Variants in OSBPL3 observed in about 807,000 individuals in gnomAD.
The protein encoded by OSBPL3 is oxysterol-binding protein-related protein 3.
Under a neutral mutation model 120.1 loss-of-function variants are expected in OSBPL3, and 65 were observed. The ratio of observed to expected loss-of-function variants is 0.54; its 90% CI spans 0.44 to 0.67. The LOEUF (loss-of-function observed/expected upper bound fraction) is 0.67, where lower values mean the gene tolerates loss of function less well. OSBPL3 is among the 30% of genes least tolerant of loss of function. The probability of loss-of-function intolerance (pLI) is 0.00; values close to 1 mark genes in which losing one functional copy is unlikely to be tolerated. For missense variants in OSBPL3, 1,004 were observed against 1,082.1 expected (o/e 0.93, Z 1.01); for synonymous variants, 416 against 402.6 (o/e 1.03, Z -0.40).
rs1324610451 is a variant in OSBPL3, at chr7:24,819,889, G to T, written c.1948+286C>A. Among the ~76,000 whole-genome samples, 1 of 152,150 alleles carries T rather than the reference G, an allele frequency of 6.6e-6. No individual in the cohort carries two copies. Among genetic ancestry groups the T allele is most frequent in the African/African-American group, 2.4e-5 (1 of 41,428 alleles). Reference sequence around the variant, plus strand: ...TTTGACAAAAGCTGAAAACCCCTCTGCTGTCTACACTCTGATAAACAACTG... The same window carrying T: ...TTTGACAAAAGCTGAAAACCCCTCTTCTGTCTACACTCTGATAAACAACTG... On this transcript the variant is annotated intron_variant, in intron 17 of 22. Transcript: ENST00000313367. The surrounding 1 kb of genome is among the most constrained non-coding windows in gnomAD (Gnocchi z 4.1).
intron 1 of OSBPL3, among the ~76,000 whole-genome samples, chr7:24,951,597 T>A (rs79700512): frequency 0.032 from 4,835 of 152,286 alleles, 130 homozygotes; most frequent in Non-Finnish European, 0.051. Flanking sequence ...CACAAATCCC[T>A]TCCCCCTACC....
Position 24,835,081 on chromosome 7 carries a change from T to A in OSBPL3, c.1496-345A>T, listed in dbSNP as rs1250571316. On this transcript the variant is annotated intron_variant, in intron 14 of 22. Transcript: ENST00000313367. This position sits in a 1 kb window ranked among gnomAD's most constrained non-coding sequence, Gnocchi z 4.8. ...AAAAACTTGTAAACTTTTTAAAAAA[T>A]CACTTTAAATTCTGGTAAAACAATT... 2.6e-5 allele frequency among the ~76,000 whole-genome samples: 4 copies of A among 152,216 alleles called. No individual in the cohort carries two copies. Among genetic ancestry groups the A allele is most frequent in the Non-Finnish European group, 5.9e-5 (4 of 68,026 alleles).
rs1431465672 is a variant in OSBPL3 at position 24,968,290 on chromosome 7, CCA to C, written c.-150+11594_-150+11595del. 6.6e-6 allele frequency among the ~76,000 whole-genome samples: 1 copy of C among 152,186 alleles called. No homozygotes were observed. The highest frequency in any genetic ancestry group is 1.5e-5 in the Non-Finnish European group (1 of 68,038). ...CCTGATTTCCATGGTGTAAATACTC[CCA>C]CTGTGGCTGGCTTCAAACTACCAAC... is the stretch of plus-strand genomic sequence containing the variant. On this transcript the variant is annotated intron_variant, in intron 1 of 22. Transcript: ENST00000313367. This position sits in a 1 kb window ranked among gnomAD's most constrained non-coding sequence, Gnocchi z 4.6.
Position 24,820,327 on chromosome 7 carries a change from A to T in OSBPL3, c.1885-89T>A. 1.0e-6 allele frequency: 1 copy of T among 959,558 alleles called. No homozygotes were observed. The highest frequency in any genetic ancestry group is 1.7e-6 in the Non-Finnish European group (1 of 605,908). The allele number at this position is 959,558 out of a possible 1,614,324, so 59.4% of individuals were successfully genotyped here. On this transcript the variant is annotated intron_variant, in intron 16 of 22. Transcript: ENST00000313367. This position sits in a 1 kb window ranked among gnomAD's most constrained non-coding sequence, Gnocchi z 4.6. Reference sequence around the variant, plus strand: ...TCTTTCTCCCCTGCACTGAGATGTAACAGCGTGCAATGCTGAACTGAAGGA... The same window carrying T: ...TCTTTCTCCCCTGCACTGAGATGTATCAGCGTGCAATGCTGAACTGAAGGA...
In OSBPL3 at chr7:24,877,309, A is replaced by G. The variant is rs1319613911; in HGVS notation, c.97-5240T>C. 1.3e-5 allele frequency among the ~76,000 whole-genome samples: 2 copies of G among 152,216 alleles called. No homozygotes were observed. Among genetic ancestry groups the G allele is most frequent in the Non-Finnish European group, 2.9e-5 (2 of 68,040 alleles). On this transcript the variant is annotated intron_variant, in intron 2 of 22. Coordinates refer to ENST00000313367, the MANE Select transcript of OSBPL3 (RefSeq NM_015550.4). The surrounding 1 kb of genome is among the most constrained non-coding windows in gnomAD (Gnocchi z 4.8). ...GTAAGGTCTTCAACCCTGCTCAGAG[A>G]TAGCTACTGTTTTCCCTATACTGTA... is the stretch of plus-strand genomic sequence containing the variant.
At chr7:24,941,260 T>C (rs1234320685) in intron 1 of OSBPL3, among the ~76,000 whole-genome samples, 2 of 152,218 alleles carry the variant, frequency 1.3e-5, no homozygotes, top group African/African-American at 4.8e-5. Flanking sequence ...TAACTCCTCC[T>C]AATTGGGTCT....
In OSBPL3 at chr7:24,817,314, C is replaced by T. The variant is rs148762107; in HGVS notation, c.1949-626G>A. 1.3e-4 allele frequency among the ~76,000 whole-genome samples: 20 copies of T among 152,142 alleles called. No individual in the cohort carries two copies. The highest frequency in any genetic ancestry group is 3.9e-4 in the African/African-American group (16 of 41,496). On this transcript the variant is annotated intron_variant, in intron 17 of 22. Transcript: ENST00000313367. This position sits in a 1 kb window ranked among gnomAD's most constrained non-coding sequence, Gnocchi z 4.0. ...GGTGGATCATTTGAGATCAGGAGTTCGAGACCAGCACAGCCAACATGGCGA... is the reference window on the plus strand; with the variant it reads ...GGTGGATCATTTGAGATCAGGAGTTTGAGACCAGCACAGCCAACATGGCGA...
At chr7:24,941,558 G>A (rs562358908) in intron 1 of OSBPL3, among the ~76,000 whole-genome samples, 1 of 152,134 alleles carries the variant, frequency 6.6e-6, no homozygotes, top group South Asian at 2.1e-4. Context: ...TCCTCTCTAT[G>A]CAAAGACCTG....
chr7:24,916,065 GGC>G lies in OSBPL3; in HGVS notation c.-149-23446_-149-23445del. The stretch of plus-strand genomic sequence containing the variant: ...AAGCCAGGCAGGGACAAAGGGAGAA[GGC>G]ACTCGATGTTTATCATGTTGTCCTG... On this transcript the variant is annotated intron_variant, in intron 1 of 22. Transcript: ENST00000313367. The surrounding 1 kb of genome is among the most constrained non-coding windows in gnomAD (Gnocchi z 4.9). Among the ~76,000 whole-genome samples, 1 of 152,152 alleles carries G rather than the reference GGC, an allele frequency of 6.6e-6. No individual in the cohort carries two copies. The highest frequency in any genetic ancestry group is 1.5e-5 in the Non-Finnish European group (1 of 68,032).
At position 24,863,910 on chromosome 7, in the gene OSBPL3, G is replaced by C. The variant is rs1048437910; in HGVS notation, c.674-311C>G. ...GGGATAATTATACATCACATGACAA[G>C]AGAGTTGTGAGAATTAAATGAGTTG... On this transcript the variant is annotated intron_variant, in intron 7 of 22. Transcript: ENST00000313367. This position sits in a 1 kb window ranked among gnomAD's most constrained non-coding sequence, Gnocchi z 5.8. Among the ~76,000 whole-genome samples, 1 of 152,194 alleles carries C rather than the reference G, an allele frequency of 6.6e-6. No individual in the cohort carries two copies. Among genetic ancestry groups the C allele is most frequent in the Non-Finnish European group, 1.5e-5 (1 of 68,026 alleles).
At position 24,822,034 on chromosome 7, in the gene OSBPL3, C is replaced by T. The variant is rs140220444; in HGVS notation, c.1885-1796G>A. Among the ~76,000 whole-genome samples the T allele has an allele frequency of 1.0e-3, 152 of 152,142 alleles. No individual in the cohort carries two copies. Among genetic ancestry groups the T allele is most frequent in the African/African-American group, 3.2e-3 (131 of 41,508 alleles). On this transcript the variant is annotated intron_variant, in intron 16 of 22. Coordinates refer to ENST00000313367, the MANE Select transcript of OSBPL3 (RefSeq NM_015550.4). This position sits in a 1 kb window ranked among gnomAD's most constrained non-coding sequence, Gnocchi z 5.8. ...GACTAAAGGTGTGTGCCACCACGCC[C>T]GGCTAATTTTTTCACTTTTTGTAGG...
chr7:24,956,725 T>C (rs1317340999), intron 1 of OSBPL3, among the ~76,000 whole-genome samples: 2 of 152,234 alleles, frequency 1.3e-5, no homozygotes, highest in African/African-American at 4.8e-5. Context: ...TAGATACTTG[T>C]GTTACCTTAA....
chr7:24,951,016 T>C (rs1814363132), intron 1 of OSBPL3, among the ~76,000 whole-genome samples: 1 of 152,190 alleles, frequency 6.6e-6, no homozygotes, highest in African/African-American at 2.4e-5. Flanking sequence ...ATTTATATGA[T>C]ATTGTGTCAA....
rs893661610 is a variant in OSBPL3, at chr7:24,822,867, T to A, written c.1885-2629A>T. On this transcript the variant is annotated intron_variant, in intron 16 of 22. Coordinates refer to ENST00000313367, the MANE Select transcript of OSBPL3 (RefSeq NM_015550.4). This position sits in a 1 kb window ranked among gnomAD's most constrained non-coding sequence, Gnocchi z 5.8. ...TAATGAATGAATGTTTAGCAGATTATGTTTAGATGGGTTCAACACATTTTC... is the reference window on the plus strand; with the variant it reads ...TAATGAATGAATGTTTAGCAGATTAAGTTTAGATGGGTTCAACACATTTTC... 1.3e-5 allele frequency among the ~76,000 whole-genome samples: 2 copies of A among 152,226 alleles called. No individual in the cohort carries two copies. Among genetic ancestry groups the A allele is most frequent in the African/African-American group, 4.8e-5 (2 of 41,452 alleles).
In OSBPL3 at chr7:24,896,967, G is replaced by GA. The variant is rs1477106690; in HGVS notation, c.-149-4347dup. On this transcript the variant is annotated intron_variant, in intron 1 of 22. Transcript: ENST00000313367. This position sits in a 1 kb window ranked among gnomAD's most constrained non-coding sequence, Gnocchi z 4.4. ...CATGCCTGTAGTCCCAGCTACTCAGGAGGCTGAGGCAGGAGAACTGCTTGA... is the reference window on the plus strand; with the variant it reads ...CATGCCTGTAGTCCCAGCTACTCAGGAAGGCTGAGGCAGGAGAACTGCTTGA... 1.3e-5 allele frequency among the ~76,000 whole-genome samples: 2 copies of GA among 151,960 alleles called. No individual in the cohort carries two copies. Among genetic ancestry groups the GA allele is most frequent in the African/African-American group, 4.8e-5 (2 of 41,366 alleles).
rs371341978 is a variant in OSBPL3, at chr7:24,952,263, G to GA, written c.-150+27622dup. The stretch of plus-strand genomic sequence containing the variant: ...GGATCTGTAATCTAAACAGAATTAA[G>GA]AAAAAAAATTAAGAAGCTAAGCACA... On this transcript the variant is annotated intron_variant, in intron 1 of 22. Transcript: ENST00000313367. The surrounding 1 kb of genome is among the most constrained non-coding windows in gnomAD (Gnocchi z 4.4). Among the ~76,000 whole-genome samples, 8 of 151,800 alleles carry GA rather than the reference G, an allele frequency of 5.3e-5. No homozygotes were observed. The highest frequency in any genetic ancestry group is 1.5e-4 in the African/African-American group (6 of 41,348).
intron 1 of OSBPL3, among the ~76,000 whole-genome samples, chr7:24,958,439 C>A (rs1236997711): frequency 6.6e-6 from 1 of 152,104 alleles, no homozygotes; most frequent in Non-Finnish European, 1.5e-5. Flanking sequence ...CTACTCTGAG[C>A]CATTTGCTAT....
chr7:24,904,961 GAA>G (rs1295624095), intron 1 of OSBPL3, among the ~76,000 whole-genome samples: 10 of 145,238 alleles, frequency 6.9e-5, no homozygotes, highest in African/African-American at 2.0e-4. Context: ...GTGTGTGTGT[GAA>G]TAAAGTTAAG....
intron 1 of OSBPL3, among the ~76,000 whole-genome samples, chr7:24,915,576 T>C (rs562579843): frequency 1.3e-5 from 2 of 151,436 alleles, no homozygotes; most frequent in African/African-American, 4.9e-5. Context: ...CACCAAACAT[T>C]AATTTTTTTT....
Sources: allele counts gnomAD v4.1 joint callset (sites outside exome capture counted in the v4.1 genomes callset), GRCh38; gene constraint gnomAD v4.1.1; non-coding constraint Gnocchi (gnomAD v3.1); transcripts MANE v1.5; gene names NCBI Gene and HGNC (gene_info 2026-07-23, HGNC 2026-07-21).